Variants in MGMT observed in about 807,000 individuals in gnomAD.
MGMT encodes the protein O-6-methylguanine-DNA methyltransferase.
Under a neutral mutation model 15.9 loss-of-function variants are expected in MGMT, and 14 were observed. That is an observed-to-expected ratio of 0.88 (90% CI 0.58 to 1.37). MGMT has a LOEUF of 1.37. MGMT is among the 40% of genes most tolerant of loss of function. MGMT has a pLI of 0.00. For synonymous variants in MGMT, 130 were observed against 118.2 expected (o/e 1.10, Z -0.65); for missense variants, 282 against 268.1 (o/e 1.05, Z -0.36).
intron 2 of MGMT, among the ~76,000 whole-genome samples, chr10:129,558,725 C>A (rs1846243928): frequency 6.6e-6 from 1 of 152,210 alleles, no homozygotes; most frequent in South Asian, 2.1e-4. Flanking sequence ...AGAGTACTTG[C>A]AGGCAGCCCC....
intron 2 of MGMT, among the ~76,000 whole-genome samples, chr10:129,672,810 G>T (rs1362589656): frequency 6.6e-6 from 1 of 151,952 alleles, no homozygotes; most frequent in Non-Finnish European, 1.5e-5. Context: ...CTTTATTTCT[G>T]CCATTTTTGT....
At chr10:129,503,728 C>T (rs1845597755) in intron 1 of MGMT, among the ~76,000 whole-genome samples, 1 of 152,176 alleles carries the variant, frequency 6.6e-6, no homozygotes, top group Non-Finnish European at 1.5e-5. Context: ...TTTCTGGCTT[C>T]AGCTTTTCTA....
At chr10:129,719,885 C>G (rs373294251) in intron 3 of MGMT, among the ~76,000 whole-genome samples, 1 of 152,176 alleles carries the variant, frequency 6.6e-6, no homozygotes, top group Non-Finnish European at 1.5e-5. Context: ...GGCCACCAAA[C>G]AGTCAGCAAA....
At chr10:129,504,510 T>G (rs1845605378) in intron 1 of MGMT, among the ~76,000 whole-genome samples, 1 of 152,242 alleles carries the variant, frequency 6.6e-6, no homozygotes, top group South Asian at 2.1e-4. Flanking sequence ...TGACACAGGT[T>G]GCAGGACGAC....
chr10:129,687,788 G>A (rs1251284234), intron 2 of MGMT, among the ~76,000 whole-genome samples: 4 of 151,440 alleles, frequency 2.6e-5, no homozygotes, highest in Non-Finnish European at 5.9e-5. Flanking sequence ...ATGTTGGTGT[G>A]CTGCACCCAT....
At chr10:129,759,882 G>A (rs1265935003) in intron 4 of MGMT, among the ~76,000 whole-genome samples, 1 of 152,190 alleles carries the variant, frequency 6.6e-6, no homozygotes. Flanking sequence ...GAGCACACGA[G>A]GCAGGAGGCC....
intron 2 of MGMT, among the ~76,000 whole-genome samples, chr10:129,677,087 T>C (rs972302434): frequency 2.5e-4 from 38 of 152,170 alleles, no homozygotes; most frequent in African/African-American, 8.4e-4. Flanking sequence ...GCATGTGGTA[T>C]GTGGGTGTCT....
chr10:129,477,522 CCTA>C (rs1395789602), intron 1 of MGMT, among the ~76,000 whole-genome samples: 4 of 152,174 alleles, frequency 2.6e-5, no homozygotes, highest in Non-Finnish European at 5.9e-5. Context: ...AGAGTGGGAT[CCTA>C]CTCTGCTAGG....
Position 129,766,899 on chromosome 10 carries a change from T to C in MGMT, c.526T>C (p.Leu176=), listed in dbSNP as rs61752719. Residue 176 remains leucine (L), a synonymous_variant, in exon 5 of 5, where the codon TTG becomes CTG. Coordinates refer to ENST00000651593, the MANE Select transcript of MGMT (RefSeq NM_002412.5). ...GCTTCTGGCCCATGAAGGCCACCGGTTGGGGAAGCCAGGCTTGGGAGGGAG... is the reference window on the plus strand; with the variant it reads ...GCTTCTGGCCCATGAAGGCCACCGGCTGGGGAAGCCAGGCTTGGGAGGGAG... ...EWLLAHEGHR[L]GKPGLGGSSG... 305 of 1,613,486 alleles carry C rather than the reference T, an allele frequency of 1.9e-4. 4 individuals carry two copies. The South Asian group carries it at 2.5e-3, about 13-fold the overall frequency.
intron 2 of MGMT, among the ~76,000 whole-genome samples, chr10:129,693,289 A>T (rs889510627): frequency 6.6e-6 from 1 of 152,240 alleles, no homozygotes; most frequent in African/African-American, 2.4e-5. Flanking sequence ...TCTCACTATT[A>T]TAAAGGTCAA....
At chr10:129,557,521 C>G (rs1260718228) in intron 2 of MGMT, among the ~76,000 whole-genome samples, 1 of 152,130 alleles carries the variant, frequency 6.6e-6, no homozygotes, top group Non-Finnish European at 1.5e-5. Flanking sequence ...AACCTAGGAC[C>G]TTAAAATACA....
intron 3 of MGMT, among the ~76,000 whole-genome samples, chr10:129,746,143 G>A (rs1326222337): frequency 6.6e-6 from 1 of 151,430 alleles, no homozygotes; most frequent in East Asian, 1.9e-4. Flanking sequence ...GGAGGCTGAA[G>A]CAGGAGAATG....
chr10:129,589,934 G>C (rs1846662959), intron 2 of MGMT, among the ~76,000 whole-genome samples: 1 of 152,238 alleles, frequency 6.6e-6, no homozygotes, highest in South Asian at 2.1e-4. Context: ...AGGGGTCCCA[G>C]GTGGGTTGAG....
chr10:129,655,464 C>T (rs568557763), intron 2 of MGMT, among the ~76,000 whole-genome samples: 9 of 152,204 alleles, frequency 5.9e-5, no homozygotes, highest in African/African-American at 1.9e-4. Flanking sequence ...GGCCTCATCC[C>T]GGAAGCTGGT....
intron 2 of MGMT, among the ~76,000 whole-genome samples, chr10:129,645,858 C>T (rs1473491733): frequency 6.6e-6 from 1 of 152,220 alleles, no homozygotes; most frequent in Non-Finnish European, 1.5e-5. Flanking sequence ...CATCCAGTGG[C>T]CAGTCGGCCG....
At chr10:129,489,089 A>G (rs546898537) in intron 1 of MGMT, among the ~76,000 whole-genome samples, 108 of 152,162 alleles carry the variant, frequency 7.1e-4, no homozygotes, top group African/African-American at 2.5e-3. Context: ...AGCCAGGCAC[A>G]GTGGCTCATG....
rs1845941880 is a variant in MGMT at position 129,532,373 on chromosome 10, C to T, written c.-12-3868C>T. 6.6e-6 allele frequency among the ~76,000 whole-genome samples: 1 copy of T among 152,212 alleles called. No individual in the cohort carries two copies. The highest frequency in any genetic ancestry group is 1.5e-5 in the Non-Finnish European group (1 of 68,040). On this transcript the variant is annotated intron_variant, in intron 1 of 4. Coordinates refer to ENST00000651593, the MANE Select transcript of MGMT (RefSeq NM_002412.5). The surrounding 1 kb of genome is among the most constrained non-coding windows in gnomAD (Gnocchi z 5.3). Reference sequence around the variant, plus strand: ...GGCCACACCAGGTTTGGCTGGAAGCCTTCTCCACCGCATTCCCAACCGCTG... The same window carrying T: ...GGCCACACCAGGTTTGGCTGGAAGCTTTCTCCACCGCATTCCCAACCGCTG...
At chr10:129,754,155 C>T (rs780591302) in intron 3 of MGMT, among the ~76,000 whole-genome samples, 35 of 142,570 alleles carry the variant, frequency 2.5e-4, no homozygotes, top group Non-Finnish European at 4.9e-4. Context: ...GTAGACAGCT[C>T]ACCCGAACAG....
intron 3 of MGMT, among the ~76,000 whole-genome samples, chr10:129,720,465 G>T (rs1848357008): frequency 6.6e-6 from 1 of 152,218 alleles, no homozygotes. Flanking sequence ...GCACCGGGCT[G>T]TCTGCTCTGT....
Sources: allele counts gnomAD v4.1 joint callset (sites outside exome capture counted in the v4.1 genomes callset), GRCh38; gene constraint gnomAD v4.1.1; non-coding constraint Gnocchi (gnomAD v3.1); transcripts MANE v1.5; gene names NCBI Gene and HGNC (gene_info 2026-07-23, HGNC 2026-07-21).